The following ANK2 variants were observed in gnomAD, a reference collection of about 807,000 sequenced individuals.
ANK2 encodes ankyrin 2, also known as ankyrin-2.
A neutral mutation model predicts 360.5 loss-of-function variants in ANK2; 83 were observed. The ratio of observed to expected loss-of-function variants is 0.23; its 90% confidence interval spans 0.19 to 0.28. The LOEUF (loss-of-function observed/expected upper bound fraction) is 0.28. ANK2 is among the 10% of genes least tolerant of loss of function. The pLI is 1.00. For synonymous variants in ANK2, 1,740 were observed against 1,759.5 expected (o/e 0.99, Z 0.28); for missense variants, 4,201 against 4,795.7 (o/e 0.88, Z 3.66).
chr4:113,345,823 C>G (rs2094784841), intron 34 of ANK2, 77 bp from the exon 35 acceptor site: 4 of 1,576,816 alleles, frequency 2.5e-6, no homozygotes, highest in Non-Finnish European at 2.6e-6. Context: ...TTTACTTTTC[C>G]CTTTCAAGCA....
intron 1 of ANK2, among the ~76,000 whole-genome samples, chr4:113,164,729 C>A (rs1226704475): frequency 5.3e-5 from 8 of 152,114 alleles, no homozygotes; most frequent in Non-Finnish European, 8.8e-5. Context: ...TTTTTCATAT[C>A]CTGACAGTTC....
intron 2 of ANK2, among the ~76,000 whole-genome samples, chr4:113,184,699 T>C (rs1320525694): frequency 3.3e-5 from 5 of 151,806 alleles, no homozygotes; most frequent in South Asian, 4.1e-4. Flanking sequence ...TGGCTGATCA[T>C]TAATTCTTTT....
chr4:112,887,640 A>C (rs1184212497), intron 1 of ANK2, among the ~76,000 whole-genome samples: 1 of 152,214 alleles, frequency 6.6e-6, no homozygotes, highest in East Asian at 1.9e-4. Flanking sequence ...GTATGAGTGA[A>C]AAATCCATCT....
intron 1 of ANK2, among the ~76,000 whole-genome samples, chr4:112,852,735 T>G (rs1195302291): frequency 6.6e-6 from 1 of 152,192 alleles, no homozygotes; most frequent in Non-Finnish European, 1.5e-5. Context: ...AATAATACCC[T>G]TTTCTTCGGT....
chr4:112,917,800 T>C (rs1327504501), intron 2 of ANK2, among the ~76,000 whole-genome samples: 1 of 152,204 alleles, frequency 6.6e-6, no homozygotes, highest in East Asian at 1.9e-4. Flanking sequence ...ATTAGAATAG[T>C]TGTGCCAAAT....
At chr4:112,769,679 G>A in the ANK2 span, among the ~76,000 whole-genome samples, 1 of 152,190 alleles carries the variant, frequency 6.6e-6, no homozygotes, top group Non-Finnish European at 1.5e-5. Flanking sequence ...TCGTTTCTGA[G>A]TTTGTGAGGG....
intron 2 of ANK2, among the ~76,000 whole-genome samples, chr4:113,182,423 C>A (rs2098436872): frequency 6.6e-6 from 1 of 152,056 alleles, no homozygotes; most frequent in African/African-American, 2.4e-5. Flanking sequence ...AGATAGTATT[C>A]AAAACCGTGT....
At chr4:112,993,080 C>G (rs1194601325) in intron 2 of ANK2, among the ~76,000 whole-genome samples, 1 of 151,700 alleles carries the variant, frequency 6.6e-6, no homozygotes, top group Non-Finnish European at 1.5e-5. Context: ...CCCATGAATT[C>G]GAGACCAGCC....
chr4:112,750,515 G>T, the ANK2 span, among the ~76,000 whole-genome samples: 1 of 152,008 alleles, frequency 6.6e-6, no homozygotes, highest in Non-Finnish European at 1.5e-5. Context: ...TGTAGCCTAG[G>T]AGCAATAGAC....
intron 5 of ANK2, among the ~76,000 whole-genome samples, chr4:113,233,752 T>C (rs1249942933): frequency 6.6e-6 from 1 of 152,168 alleles, no homozygotes; most frequent in Non-Finnish European, 1.5e-5. Context: ...AAATCACTAT[T>C]AATGAGACCA....
At chr4:113,155,646 G>T (rs1168492396) in intron 1 of ANK2, among the ~76,000 whole-genome samples, 1 of 152,000 alleles carries the variant, frequency 6.6e-6, no homozygotes, top group African/African-American at 2.4e-5. Flanking sequence ...TTGACTTCAG[G>T]GTTGGAAAGC....
At chr4:113,360,689 G>A (rs1251116456) in intron 38 of ANK2, 134 bp from the exon 39 acceptor site, 1 of 769,286 alleles carries the variant, frequency 1.3e-6, no homozygotes, top group Non-Finnish European at 2.3e-6. Context: ...CACACAATAT[G>A]ATCTGAAATG....
At chr4:112,852,320 T>C (rs1277420224) in intron 1 of ANK2, among the ~76,000 whole-genome samples, 4 of 152,328 alleles carry the variant, frequency 2.6e-5, no homozygotes, top group South Asian at 4.1e-4. Flanking sequence ...CCCAGATGGC[T>C]CTCTGTGTAC....
the ANK2 span, among the ~76,000 whole-genome samples, chr4:112,776,358 T>A: frequency 1.3e-5 from 2 of 152,298 alleles, no homozygotes; most frequent in South Asian, 4.1e-4. Flanking sequence ...TCTGAAAATG[T>A]GACAAGACAA....
intron 1 of ANK2, among the ~76,000 whole-genome samples, chr4:113,159,943 G>A (rs1344252071): frequency 6.6e-6 from 1 of 152,046 alleles, no homozygotes; most frequent in African/African-American, 2.4e-5. Context: ...TCTAAAAAAA[G>A]AGTACTAGTG....
At chr4:112,805,179 T>C in the ANK2 span, among the ~76,000 whole-genome samples, 2 of 152,136 alleles carry the variant, frequency 1.3e-5, no homozygotes, top group African/African-American at 2.4e-5. Context: ...GACCACTGTT[T>C]GTAGGAAAAT....
chr4:112,795,405 A>G, the ANK2 span, among the ~76,000 whole-genome samples: 11 of 152,334 alleles, frequency 7.2e-5, no homozygotes, highest in Non-Finnish European at 1.5e-4. Context: ...GGTAAAGTGT[A>G]TAAATATTTC....
At chr4:112,846,141 G>A (rs1347563790) in intron 1 of ANK2, among the ~76,000 whole-genome samples, 2 of 151,286 alleles carry the variant, frequency 1.3e-5, no homozygotes, top group African/African-American at 4.9e-5. Flanking sequence ...TTTGAGATAG[G>A]GTCTCACTTT....
chr4:113,149,854 G>C (rs938866839), intron 1 of ANK2, among the ~76,000 whole-genome samples: 1 of 109,904 alleles, frequency 9.1e-6, no homozygotes, highest in African/African-American at 3.7e-5. Flanking sequence ...TCCAGCTTGC[G>C]TGAGAGTGAG....
Sources: allele counts gnomAD v4.1 joint callset (sites outside exome capture counted in the v4.1 genomes callset), GRCh38; gene constraint gnomAD v4.1.1; transcripts MANE v1.5; gene names NCBI Gene and HGNC (gene_info 2026-07-23, HGNC 2026-07-21).